CD86: variants seen among roughly 807,000 people sequenced by gnomAD.
CD86 encodes the protein T-lymphocyte activation antigen CD86.
A neutral mutation model predicts 32.1 loss-of-function variants in CD86; 11 were observed. The observed-to-expected ratio is 0.34, with a 90% CI of 0.22 to 0.57. CD86 has a LOEUF of 0.57. CD86 is among the 20% of genes least tolerant of loss of function. The pLI is 0.86. For synonymous variants in CD86, 137 were observed against 135.3 expected (o/e 1.01, Z -0.09); for missense variants, 359 against 398.4 (o/e 0.90, Z 0.84).
intron 5 of CD86, among the ~76,000 whole-genome samples, chr3:122,113,251 G>A (rs756019162): frequency 3.4e-4 from 52 of 152,292 alleles, no homozygotes; most frequent in Admixed American, 1.0e-3. Context: ...CCACTCATGG[G>A]TTGATGGACA....
Position 122,055,411 on chromosome 3 carries a change from T to TC in CD86, c.-79_-78insC. On this transcript the variant is annotated 5_prime_UTR_variant, in exon 1 of 7. Coordinates refer to ENST00000330540, the MANE Select transcript of CD86 (RefSeq NM_175862.5). The stretch of plus-strand genomic sequence containing the variant: ...CAGGGTGAAAGCTTTGCTTCTCTGC[T>TC]GCTGTAACAGGGACTAGCACAGACA... The TC allele has an allele frequency of 7.1e-7, 1 of 1,403,380 alleles. No individual in the cohort carries two copies. Among genetic ancestry groups the TC allele is most frequent in the South Asian group, 1.2e-5 (1 of 86,170 alleles). 86.9% of individuals were successfully genotyped at this position (1,403,380 alleles called of 1,614,324 possible).
chr3:122,087,008 G>C (rs570860099), intron 1 of CD86, among the ~76,000 whole-genome samples: 232 of 152,310 alleles, frequency 1.5e-3, no homozygotes, highest in Non-Finnish European at 2.6e-3. Context: ...TGACCTCTCT[G>C]AGACTCCATT....
chr3:122,059,548 A>G (rs1001061239), intron 1 of CD86, among the ~76,000 whole-genome samples: 4 of 152,134 alleles, frequency 2.6e-5, no homozygotes, highest in South Asian at 4.1e-4. Flanking sequence ...AAAAAAAAAA[A>G]AAAGAAAGAA....
At chr3:122,097,099 C>T (rs575219958) in intron 2 of CD86, among the ~76,000 whole-genome samples, 23 of 152,182 alleles carry the variant, frequency 1.5e-4, no homozygotes, top group Non-Finnish European at 2.2e-4. Context: ...AACACTCTCG[C>T]GGACACTGGG....
At chr3:122,113,242 C>T (rs1466015238) in intron 5 of CD86, among the ~76,000 whole-genome samples, 3 of 152,158 alleles carry the variant, frequency 2.0e-5, no homozygotes, top group Non-Finnish European at 1.5e-5. Context: ...TTTCCTTATC[C>T]ACTCATGGGT....
At chr3:122,103,178 G>A (rs2073037288) in intron 2 of CD86, among the ~76,000 whole-genome samples, 1 of 117,466 alleles carries the variant, frequency 8.5e-6, no homozygotes, top group Admixed American at 7.8e-5. Flanking sequence ...TAACTCTACT[G>A]GTTTTTCCCT....
At chr3:122,063,944 A>G (rs2072376128) in intron 1 of CD86, among the ~76,000 whole-genome samples, 1 of 152,220 alleles carries the variant, frequency 6.6e-6, no homozygotes, top group African/African-American at 2.4e-5. Flanking sequence ...CTTGGCATAA[A>G]TATTGGTTTA....
intron 2 of CD86, among the ~76,000 whole-genome samples, chr3:122,092,443 T>G (rs141071978): frequency 1.3e-5 from 2 of 152,364 alleles, no homozygotes; most frequent in African/African-American, 4.8e-5. Flanking sequence ...TCTGGTGGTG[T>G]TAGCAGTCAG....
Position 122,103,864 on chromosome 3 carries a change from G to A in CD86, c.400+17G>A. 2 of 1,589,666 alleles carry A rather than the reference G, an allele frequency of 1.3e-6. No homozygotes were observed. Among genetic ancestry groups the A allele is most frequent in the East Asian group, 2.2e-5 (1 of 44,716 alleles). ...CAGTGCTTGGTATGTGGTCAATGGT[G>A]TGTGTTCAGATTCTTAGCCTTCTCA... On this transcript the variant is annotated intron_variant, in intron 3 of 6. Transcript: ENST00000330540.
intron 1 of CD86, among the ~76,000 whole-genome samples, chr3:122,078,598 C>T (rs2072586901): frequency 6.6e-6 from 1 of 152,134 alleles, no homozygotes; most frequent in Non-Finnish European, 1.5e-5. Flanking sequence ...CACTTGGCAC[C>T]AGAGACCAAG....
intron 1 of CD86, among the ~76,000 whole-genome samples, chr3:122,061,593 C>T (rs910901120): frequency 2.0e-5 from 3 of 152,010 alleles, no homozygotes; most frequent in African/African-American, 7.2e-5. Flanking sequence ...AGATGGTGAA[C>T]AACCATATAA....
chr3:122,103,886 C>T (rs1315669006), intron 3 of CD86, 39 bp downstream of exon 3: 1 of 1,506,880 alleles, frequency 6.6e-7, no homozygotes, highest in Non-Finnish European at 9.1e-7. Context: ...TCTTAGCCTT[C>T]TCAGATGAGA....
intron 1 of CD86, among the ~76,000 whole-genome samples, chr3:122,075,821 T>A (rs2072547386): frequency 6.6e-6 from 1 of 152,186 alleles, no homozygotes; most frequent in Admixed American, 6.5e-5. Flanking sequence ...CTGAAATAAG[T>A]AGATTAAAGA....
chr3:122,095,467 G>A lies in CD86; in HGVS notation c.64+3817G>A, dbSNP rs1048706423. ...AAGTGCTGGGATTACAGACAGGCAT[G>A]AGCCACTGCGCCCGGCCCACCTTAA... On this transcript the variant is annotated intron_variant, in intron 2 of 6. Transcript: ENST00000330540. Among the ~76,000 whole-genome samples the A allele has an allele frequency of 4.6e-5, 7 of 152,292 alleles. No homozygotes were observed. In the East Asian group the frequency reaches 5.8e-4, roughly 13 times the overall value.
chr3:122,106,986 A>G (rs1576784237), intron 4 of CD86, among the ~76,000 whole-genome samples: 1 of 152,152 alleles, frequency 6.6e-6, no homozygotes, highest in Non-Finnish European at 1.5e-5. Flanking sequence ...GCCCTTGAGG[A>G]CCTTCCAATA....
intron 4 of CD86, among the ~76,000 whole-genome samples, chr3:122,109,012 C>A (rs1183143360): frequency 6.6e-6 from 1 of 152,120 alleles, no homozygotes; most frequent in Non-Finnish European, 1.5e-5. Context: ...TGATCATGGT[C>A]GGTGTTATCC....
rs758425507 is a variant in CD86 at position 122,109,271 on chromosome 3, A to G, written c.710A>G (p.Glu237Gly). Residue 237 changes from glutamate to glycine, a missense_variant, in exon 5 of 7, where the codon GAG becomes GGG. Physicochemically the swap from Glu to Gly is moderately conservative, Grantham distance 98. Coordinates refer to ENST00000330540, the MANE Select transcript of CD86 (RefSeq NM_175862.5). ...AATTTGTGGTCATTTGTAGAGCTTG[A>G]GGACCCTCAGCCTCCCCCAGACCAC... ...LLSSPFSIEL[E>G]DPQPPPDHIP... The G allele has an allele frequency of 6.2e-7, 1 of 1,613,014 alleles. No homozygotes were observed. The highest frequency in any genetic ancestry group is 1.1e-5 in the South Asian group (1 of 90,786).
At chr3:122,098,030 G>T (rs1186122462) in intron 2 of CD86, among the ~76,000 whole-genome samples, 1 of 152,214 alleles carries the variant, frequency 6.6e-6, no homozygotes, top group Non-Finnish European at 1.5e-5. Flanking sequence ...TGTGCACCAA[G>T]TCTGCTGTAG....
chr3:122,095,258 G>A (rs1428800840), intron 2 of CD86, among the ~76,000 whole-genome samples: 3 of 148,398 alleles, frequency 2.0e-5, no homozygotes, highest in Non-Finnish European at 3.0e-5. Flanking sequence ...GGCAACCCCC[G>A]CCTCCCAGGT....
Sources: gnomAD v4.1 joint callset for allele counts (sites outside exome capture counted in the v4.1 genomes callset) on GRCh38, gnomAD v4.1.1 for gene constraint, MANE v1.5 for transcripts, NCBI Gene and HGNC (gene_info 2026-07-23, HGNC 2026-07-21) for gene names.